AUTS2: variants seen among roughly 807,000 people sequenced by gnomAD.
The protein encoded by AUTS2 is activator of transcription and developmental regulator AUTS2, also known as autism susceptibility gene 2 protein.
A neutral mutation model predicts 112.4 loss-of-function variants in AUTS2; 17 were observed. That is an observed-to-expected ratio of 0.15 (90% confidence interval 0.10 to 0.23). The LOEUF is 0.23. Among genes scored for constraint, AUTS2 ranks in the 10% least tolerant of loss-of-function variants. AUTS2 has a pLI of 1.00. For missense variants in AUTS2, 1,510 were observed against 1,701.6 expected, an observed-to-expected ratio of 0.89 and a Z score of 1.98; for synonymous variants, 751 against 702.7, an observed-to-expected ratio of 1.07 and a Z score of -1.09.
At chr7:70,441,783 G>A (rs1276606584) in intron 5 of AUTS2, among the ~76,000 whole-genome samples, 1 of 152,220 alleles carries the variant, frequency 6.6e-6, no homozygotes, top group Non-Finnish European at 1.5e-5. Flanking sequence ...AAGAAAACCA[G>A]CAAAGTCTTA....
intron 1 of AUTS2, among the ~76,000 whole-genome samples, chr7:69,840,434 C>T (rs1313742827): frequency 6.6e-6 from 1 of 152,162 alleles, no homozygotes; most frequent in Non-Finnish European, 1.5e-5. Context: ...AAGTGTTCCA[C>T]TAGGAGAAGC....
At position 70,240,417 on chromosome 7, in the gene AUTS2, A is replaced by T. The variant is rs149908000; in HGVS notation, c.660+105846A>T. ...GGGGATTTTGTAAAGTGCCTGGCAT[A>T]TGGAAGGAGCTGGGTAAATGATGGT... is the stretch of plus-strand genomic sequence containing the variant. On this transcript the variant is annotated intron_variant, in intron 4 of 18. Coordinates refer to ENST00000342771, the MANE Select transcript of AUTS2 (RefSeq NM_015570.4). 1.2e-4 allele frequency among the ~76,000 whole-genome samples: 18 copies of T among 152,334 alleles called. No homozygotes were observed. The East Asian group carries it at 3.3e-3, about 28-fold the overall frequency.
intron 4 of AUTS2, among the ~76,000 whole-genome samples, chr7:70,404,016 G>GA (rs1394255854): frequency 6.6e-6 from 1 of 152,190 alleles, no homozygotes; most frequent in East Asian, 1.9e-4. Flanking sequence ...ATATTTTTAA[G>GA]AAAAAGAGAA....
At chr7:70,684,609 GTGGTGTGGTATGGTGTGGCGTGGTA>G (rs947816559) in intron 5 of AUTS2, among the ~76,000 whole-genome samples, 2 of 150,888 alleles carry the variant, frequency 1.3e-5, no homozygotes, top group African/African-American at 4.9e-5. Flanking sequence ...TATGGTGTGT[GTGGTGTGGTATGGTGTGGCGTGGTA>G]TGGTGTGGGG....
intron 8 of AUTS2, among the ~76,000 whole-genome samples, chr7:70,765,296 G>A (rs1383044514): frequency 6.6e-6 from 1 of 152,122 alleles, no homozygotes; most frequent in Non-Finnish European, 1.5e-5. Flanking sequence ...TCAGACCCAG[G>A]TAGTGTGTCC....
chr7:70,272,914 A>T (rs1787760227), intron 4 of AUTS2, among the ~76,000 whole-genome samples: 1 of 152,180 alleles, frequency 6.6e-6, no homozygotes, highest in African/African-American at 2.4e-5. Context: ...GCTTGAGCCT[A>T]GGAGTTCAAG....
intron 5 of AUTS2, among the ~76,000 whole-genome samples, chr7:70,509,240 C>T (rs1333195084): frequency 2.6e-5 from 4 of 152,214 alleles, no homozygotes; most frequent in Admixed American, 2.0e-4. Context: ...AGAACCAAGG[C>T]ACCATTCCTG....
At chr7:69,856,887 T>C (rs571443594) in intron 1 of AUTS2, among the ~76,000 whole-genome samples, 11 of 152,298 alleles carry the variant, frequency 7.2e-5, no homozygotes, top group Admixed American at 3.9e-4. Flanking sequence ...TATTGGAACA[T>C]TTGTACACAG....
chr7:69,716,874 G>T (rs2129209092), intron 1 of AUTS2, among the ~76,000 whole-genome samples: 1 of 152,204 alleles, frequency 6.6e-6, no homozygotes. Context: ...ATATTACAAA[G>T]GATACAGATA....
intron 4 of AUTS2, among the ~76,000 whole-genome samples, chr7:70,361,037 C>T (rs996538584): frequency 2.6e-5 from 4 of 152,134 alleles, no homozygotes; most frequent in Admixed American, 2.6e-4. Context: ...CAGCTACACC[C>T]AGCCTCCCAT....
At chr7:70,747,695 C>T (rs1361873470) in intron 6 of AUTS2, among the ~76,000 whole-genome samples, 1 of 151,844 alleles carries the variant, frequency 6.6e-6, no homozygotes, top group Non-Finnish European at 1.5e-5. Context: ...CTGTATTGGC[C>T]AGCTGGTCTT....
chr7:70,174,621 A>G (rs768247706), intron 4 of AUTS2, among the ~76,000 whole-genome samples: 1 of 152,238 alleles, frequency 6.6e-6, no homozygotes, highest in South Asian at 2.1e-4. Flanking sequence ...GTAGCTGGTG[A>G]CTTTAAGTTG....
At chr7:70,218,441 A>C (rs747322795) in intron 4 of AUTS2, among the ~76,000 whole-genome samples, 7 of 152,136 alleles carry the variant, frequency 4.6e-5, no homozygotes, top group Non-Finnish European at 1.0e-4. Flanking sequence ...ATGCTGGGGC[A>C]CAGTAAGATG....
chr7:70,305,697 A>G (rs551170277), intron 4 of AUTS2, among the ~76,000 whole-genome samples: 1 of 152,366 alleles, frequency 6.6e-6, no homozygotes, highest in East Asian at 1.9e-4. Context: ...ACCTATGCTG[A>G]TCTCCTTGGA....
intron 1 of AUTS2, among the ~76,000 whole-genome samples, chr7:69,715,227 T>A (rs374285876): frequency 1.5e-3 from 197 of 129,282 alleles, no homozygotes; most frequent in Non-Finnish European, 1.8e-3. Flanking sequence ...CAGGCATAAG[T>A]AAAAAAAAAA....
chr7:70,311,872 C>T (rs185106564), intron 4 of AUTS2, among the ~76,000 whole-genome samples: 13 of 152,334 alleles, frequency 8.5e-5, no homozygotes, highest in African/African-American at 2.2e-4. Flanking sequence ...CCCACCACCA[C>T]GCCTGGCTAA....
chr7:70,741,225 C>A (rs943870846), intron 6 of AUTS2, among the ~76,000 whole-genome samples: 18 of 151,444 alleles, frequency 1.2e-4, no homozygotes, highest in African/African-American at 4.4e-4. Flanking sequence ...AGTTCTGTTA[C>A]AACGCTACAT....
intron 5 of AUTS2, among the ~76,000 whole-genome samples, chr7:70,579,992 A>G (rs1285576668): frequency 6.6e-6 from 1 of 152,184 alleles, no homozygotes. Flanking sequence ...TTTGCAGGAC[A>G]GCCTCTAAGA....
At chr7:69,967,323 G>A (rs1421522349) in intron 2 of AUTS2, among the ~76,000 whole-genome samples, 1 of 151,938 alleles carries the variant, frequency 6.6e-6, no homozygotes, top group Non-Finnish European at 1.5e-5. Flanking sequence ...AGGTACCAGG[G>A]GACATAGCCT....
Sources: gnomAD v4.1 joint callset for allele counts (sites outside exome capture counted in the v4.1 genomes callset) on GRCh38, gnomAD v4.1.1 for gene constraint, MANE v1.5 for transcripts, NCBI Gene and HGNC (gene_info 2026-07-23, HGNC 2026-07-21) for gene names.